Variants in FRMD4A observed in about 807,000 individuals in gnomAD.
The protein encoded by FRMD4A is FERM domain-containing protein 4A.
In FRMD4A, 29 loss-of-function variants were observed where a neutral mutation model predicts 129.1. That is an observed-to-expected ratio of 0.22 (90% CI 0.17 to 0.31). The LOEUF (loss-of-function observed/expected upper bound fraction) is 0.31, where lower values mean the gene tolerates loss of function less well. Ranked by LOEUF, FRMD4A falls within the 10% of genes least tolerant of loss-of-function variation. The pLI, the probability that FRMD4A is intolerant of heterozygous loss-of-function variation, is 1.00. For missense variants in FRMD4A, 1,272 were observed against 1,375.8 expected, an observed-to-expected ratio of 0.92 and a Z score of 1.19; for synonymous variants, 634 against 571.6, an observed-to-expected ratio of 1.11 and a Z score of -1.56.
At chr10:13,958,347 G>C (rs1438616132) in intron 2 of FRMD4A, among the ~76,000 whole-genome samples, 7 of 143,478 alleles carry the variant, frequency 4.9e-5, no homozygotes, top group Admixed American at 2.2e-4. Flanking sequence ...GCAGTGGCGC[G>C]ATCTCGGCTC....
At chr10:13,665,343 A>G (rs2082941152) in intron 18 of FRMD4A, among the ~76,000 whole-genome samples, 1 of 151,988 alleles carries the variant, frequency 6.6e-6, no homozygotes, top group South Asian at 2.1e-4. Context: ...TAAGCCCCCT[A>G]TAGTAACCAC....
chr10:13,904,502 T>G (rs998945716), intron 2 of FRMD4A, among the ~76,000 whole-genome samples: 1 of 152,280 alleles, frequency 6.6e-6, no homozygotes, highest in African/African-American at 2.4e-5. Context: ...TATACTGCTC[T>G]CCGTCAAGAA....
At chr10:13,904,858 T>C (rs893196010) in intron 2 of FRMD4A, among the ~76,000 whole-genome samples, 1 of 151,546 alleles carries the variant, frequency 6.6e-6, no homozygotes, top group Non-Finnish European at 1.5e-5. Flanking sequence ...GCCAGTGTGG[T>C]GGTGGATGCC....
intron 2 of FRMD4A, among the ~76,000 whole-genome samples, chr10:14,025,136 ACTGT>A (rs1381753634): frequency 8.5e-5 from 13 of 152,230 alleles, no homozygotes; most frequent in Non-Finnish European, 1.3e-4. Flanking sequence ...GATCCCTCAC[ACTGT>A]CTTTCTTCTC....
chr10:13,921,767 T>C lies in FRMD4A; in HGVS notation c.46-62855A>G, dbSNP rs148361126. Among the ~76,000 whole-genome samples, 740 of 152,270 alleles carry C rather than the reference T, an allele frequency of 4.9e-3. 12 individuals carry two copies. In the South Asian group the frequency reaches 0.059, roughly 12 times the overall value. ...GAGTTAGTGAGAGACGGAACTGCAA[T>C]TCAAACCCAGACAGTGTGGTTCCAG... On this transcript the variant is annotated intron_variant, in intron 2 of 24. Transcript: ENST00000357447.
intron 2 of FRMD4A, among the ~76,000 whole-genome samples, chr10:14,218,792 T>C (rs1341029996): frequency 6.6e-6 from 1 of 151,576 alleles, no homozygotes; most frequent in Non-Finnish European, 1.5e-5. Context: ...CTATCTCTAC[T>C]AAAAATACAA....
intron 2 of FRMD4A, among the ~76,000 whole-genome samples, chr10:14,141,506 C>T (rs1407677832): frequency 2.6e-5 from 4 of 152,078 alleles, no homozygotes; most frequent in Non-Finnish European, 4.4e-5. Context: ...ACACTCTCGC[C>T]CCAGGGGACA....
intron 2 of FRMD4A, among the ~76,000 whole-genome samples, chr10:14,144,023 T>C (rs1347084356): frequency 1.3e-5 from 2 of 152,058 alleles, no homozygotes; most frequent in Non-Finnish European, 2.9e-5. Flanking sequence ...ACAAAGGGGA[T>C]GGGAGGTTTT....
intron 2 of FRMD4A, among the ~76,000 whole-genome samples, chr10:14,293,927 T>C (rs948018808): frequency 2.2e-5 from 3 of 138,126 alleles, no homozygotes; most frequent in African/African-American, 5.1e-5. Flanking sequence ...AAAGATAATG[T>C]AAATTTAAGA....
chr10:13,722,534 C>T (rs931500909), intron 12 of FRMD4A, among the ~76,000 whole-genome samples: 4 of 152,048 alleles, frequency 2.6e-5, no homozygotes, highest in Non-Finnish European at 4.4e-5. Flanking sequence ...GCATGAGCCA[C>T]TGTGGCTGGC....
intron 15 of FRMD4A, among the ~76,000 whole-genome samples, chr10:13,688,469 C>T (rs971710066): frequency 9.9e-5 from 15 of 152,010 alleles, no homozygotes; most frequent in African/African-American, 3.1e-4. Flanking sequence ...CGGTGCAGCA[C>T]ACCAACATGG....
intron 3 of FRMD4A, among the ~76,000 whole-genome samples, chr10:13,853,978 T>A (rs768489711): frequency 2.6e-5 from 4 of 151,954 alleles, no homozygotes; most frequent in Non-Finnish European, 4.4e-5. Flanking sequence ...CTGGGCAGGC[T>A]CCCTGTGAGA....
In FRMD4A at chr10:13,683,287, G is replaced by A. The variant is rs78382522; in HGVS notation, c.1118-8243C>T. On this transcript the variant is annotated intron_variant, in intron 15 of 24. Transcript: ENST00000357447. ...CCTGCCTGCCGGGAGGCAGAAGAGA[G>A]CAGGCCACAAGAATAGGCCGGGCCT... Among the ~76,000 whole-genome samples, 595 of 152,268 alleles carry A rather than the reference G, an allele frequency of 3.9e-3. 3 individuals carry two copies. The highest frequency in any genetic ancestry group is 0.014 in the African/African-American group (571 of 41,560).
intron 2 of FRMD4A, among the ~76,000 whole-genome samples, chr10:14,192,690 G>A (rs544442448): frequency 1.3e-5 from 2 of 152,328 alleles, no homozygotes; most frequent in East Asian, 3.9e-4. Context: ...ATAAGCTCAA[G>A]TACATCAGTG....
chr10:13,795,262 G>C (rs1447663271), intron 5 of FRMD4A, among the ~76,000 whole-genome samples: 1 of 152,176 alleles, frequency 6.6e-6, no homozygotes, highest in Non-Finnish European at 1.5e-5. Flanking sequence ...ATAAATCTGA[G>C]AAACTGTATA....
intron 3 of FRMD4A, among the ~76,000 whole-genome samples, chr10:13,849,138 G>A (rs1308333581): frequency 6.6e-6 from 1 of 152,222 alleles, no homozygotes. Context: ...CCAAAGTGGG[G>A]CTGCCTGAAC....
chr10:13,665,627 C>G (rs560739630), intron 18 of FRMD4A, among the ~76,000 whole-genome samples: 6 of 152,282 alleles, frequency 3.9e-5, no homozygotes, highest in African/African-American at 1.4e-4. Context: ...AGCTTCAGCT[C>G]TTGGGATAGG....
At chr10:13,881,545 G>C (rs1381511890) in intron 2 of FRMD4A, among the ~76,000 whole-genome samples, 1 of 152,138 alleles carries the variant, frequency 6.6e-6, no homozygotes, top group Non-Finnish European at 1.5e-5. Context: ...CATAGGTAGG[G>C]GCCCTGGGCT....
At chr10:13,900,048 T>C (rs2094801500) in intron 2 of FRMD4A, among the ~76,000 whole-genome samples, 1 of 152,194 alleles carries the variant, frequency 6.6e-6, no homozygotes, top group South Asian at 2.1e-4. Flanking sequence ...TGGGGCAGGT[T>C]AAAGTGCTTG....
Sources: allele counts gnomAD v4.1 joint callset (sites outside exome capture counted in the v4.1 genomes callset), GRCh38; gene constraint gnomAD v4.1.1; transcripts MANE v1.5; gene names NCBI Gene and HGNC (gene_info 2026-07-23, HGNC 2026-07-21).